Variants in C12orf42 observed in about 807,000 individuals in gnomAD.
C12orf42 encodes chromosome 12 open reading frame 42.
A neutral mutation model predicts 21.6 loss-of-function variants in C12orf42; 25 were observed. The ratio of observed to expected loss-of-function variants is 1.16; its 90% CI spans 0.84 to 1.62. C12orf42 has a LOEUF of 1.62. Among genes scored for constraint, C12orf42 ranks in the 40% most tolerant of loss-of-function variants. The probability of loss-of-function intolerance (pLI) is 0.00; values close to 1 mark genes in which losing one functional copy is unlikely to be tolerated. For missense variants in C12orf42, 483 were observed against 459.3 expected, an observed-to-expected ratio of 1.05 and a Z score of -0.47; for synonymous variants, 174 against 175.0, an observed-to-expected ratio of 0.99 and a Z score of 0.05.
chr12:103,056,636 T>G, the C12orf42 span, among the ~76,000 whole-genome samples: 1 of 152,162 alleles, frequency 6.6e-6, no homozygotes, highest in African/African-American at 2.4e-5. Flanking sequence ...ATGTGTTTAT[T>G]TATTGAGTTT....
chr12:103,270,372 G>A (rs12829522), intron 5 of C12orf42: 1 of 146,322 alleles, frequency 6.8e-6, no homozygotes, highest in African/African-American at 2.5e-5. Flanking sequence ...AAGAAAGGAA[G>A]GAAGGAAGGG....
the C12orf42 span, among the ~76,000 whole-genome samples, chr12:103,507,220 TAAATATA>T: frequency 5.0e-5 from 2 of 39,964 alleles, no homozygotes; most frequent in African/African-American, 4.2e-4. Flanking sequence ...ATATAATATA[TAAATATA>T]AATATATATA....
chr12:103,341,481 A>C (rs141772383), intron 4 of C12orf42, among the ~76,000 whole-genome samples: 2 of 152,344 alleles, frequency 1.3e-5, no homozygotes, highest in East Asian at 3.9e-4. Context: ...CTGAAATAAC[A>C]AAACAAAGAT....
At chr12:103,279,008 A>G (rs140131978) in intron 4 of C12orf42, among the ~76,000 whole-genome samples, 1 of 152,194 alleles carries the variant, frequency 6.6e-6, no homozygotes, top group Non-Finnish European at 1.5e-5. Flanking sequence ...TTCACTTAAC[A>G]TAATCTCCTC....
intron 2 of C12orf42, among the ~76,000 whole-genome samples, chr12:103,459,930 G>A (rs1952575702): frequency 6.6e-6 from 1 of 151,976 alleles, no homozygotes. Flanking sequence ...TACCTCTACT[G>A]CAAGATGCCT....
chr12:103,298,449 T>C (rs1049745618), downstream of C12orf42, among the ~76,000 whole-genome samples: 3 of 152,098 alleles, frequency 2.0e-5, no homozygotes, highest in Admixed American at 1.3e-4. Context: ...TTCAACGAAA[T>C]CAAAGAGGAT....
chr12:103,460,189 C>G lies in C12orf42; in HGVS notation c.78+18160G>C, dbSNP rs149129026. Among the ~76,000 whole-genome samples the G allele has an allele frequency of 4.8e-3, 724 of 151,980 alleles. 2 individuals are homozygous for G. Among genetic ancestry groups the G allele is most frequent in the African/African-American group, 0.014 (574 of 41,452 alleles). On this transcript the variant is annotated intron_variant, in intron 2 of 5. Coordinates refer to ENST00000548883, the MANE Select transcript of C12orf42 (RefSeq NM_198521.5). ...ATCCATGTGGCACATAGCAGGCAACCTTTACACAATGATTCACGGACCTTT... is the reference window on the plus strand; with the variant it reads ...ATCCATGTGGCACATAGCAGGCAACGTTTACACAATGATTCACGGACCTTT...
chr12:103,341,129 A>AAAAAG (rs2042131785), intron 4 of C12orf42, among the ~76,000 whole-genome samples: 3 of 150,462 alleles, frequency 2.0e-5, no homozygotes, highest in Admixed American at 2.0e-4. Flanking sequence ...AAAAAAAAAA[A>AAAAAG]AAAAAAGACA....
intron 2 of C12orf42, among the ~76,000 whole-genome samples, chr12:103,437,243 T>G (rs1027190370): frequency 6.6e-6 from 1 of 152,080 alleles, no homozygotes; most frequent in Non-Finnish European, 1.5e-5. Context: ...ATCTCTGGGA[T>G]GCATTCAAAG....
At chr12:103,315,839 A>C (rs1241480635) in intron 4 of C12orf42, among the ~76,000 whole-genome samples, 1 of 152,086 alleles carries the variant, frequency 6.6e-6, no homozygotes, top group Non-Finnish European at 1.5e-5. Context: ...TGTTTTGAAC[A>C]TCGCTAAGAG....
intron 4 of C12orf42, chr12:103,367,994 T>C: frequency 8.8e-7 from 1 of 1,131,556 alleles, no homozygotes; most frequent in South Asian, 1.3e-5. Flanking sequence ...GTTGTTCAAA[T>C]GAAAATGTAG....
chr12:103,416,235 A>G (rs544392721), intron 2 of C12orf42, among the ~76,000 whole-genome samples: 2 of 151,692 alleles, frequency 1.3e-5, no homozygotes, highest in Non-Finnish European at 2.9e-5. Flanking sequence ...GTAGGTTAAA[A>G]AAAAAGGGTT....
At chr12:103,436,704 A>C (rs938535710) in intron 2 of C12orf42, among the ~76,000 whole-genome samples, 1 of 152,166 alleles carries the variant, frequency 6.6e-6, no homozygotes, top group African/African-American at 2.4e-5. Flanking sequence ...AGAGCTAACT[A>C]TCCTAAATAT....
At chr12:103,278,951 C>A (rs1454135757) in intron 4 of C12orf42, among the ~76,000 whole-genome samples, 1 of 152,174 alleles carries the variant, frequency 6.6e-6, no homozygotes, top group African/African-American at 2.4e-5. Flanking sequence ...GCTTTAGATA[C>A]CTTATGTAAG....
the C12orf42 span, among the ~76,000 whole-genome samples, chr12:103,071,881 G>A: frequency 8.4e-4 from 128 of 152,212 alleles, no homozygotes; most frequent in African/African-American, 3.1e-3. Context: ...GATAATTAGT[G>A]TTTTCTTTTG....
At chr12:103,115,622 A>G in the C12orf42 span, among the ~76,000 whole-genome samples, 1 of 152,236 alleles carries the variant, frequency 6.6e-6, no homozygotes, top group Non-Finnish European at 1.5e-5. Context: ...ATAAGATAGT[A>G]AGATATTTAG....
At chr12:103,049,194 T>C in the C12orf42 span, among the ~76,000 whole-genome samples, 1 of 152,216 alleles carries the variant, frequency 6.6e-6, no homozygotes, top group Non-Finnish European at 1.5e-5. Context: ...AAAGTCAACA[T>C]GTCCACAACA....
chr12:103,090,929 A>G, the C12orf42 span, among the ~76,000 whole-genome samples: 1 of 152,020 alleles, frequency 6.6e-6, no homozygotes, highest in Admixed American at 6.6e-5. Context: ...GTCATTATTC[A>G]TGCTGTAAGC....
downstream of C12orf42, among the ~76,000 whole-genome samples, chr12:103,301,281 C>T (rs775550859): frequency 6.6e-6 from 1 of 152,066 alleles, no homozygotes; most frequent in Non-Finnish European, 1.5e-5. Context: ...AACTTGAGTG[C>T]AAAACTGCAT....
Sources: allele counts gnomAD v4.1 joint callset (sites outside exome capture counted in the v4.1 genomes callset), GRCh38; gene constraint gnomAD v4.1.1; transcripts MANE v1.5; gene names NCBI Gene and HGNC (gene_info 2026-07-23, HGNC 2026-07-21).